Variants in HIGD1A observed in about 807,000 individuals in gnomAD.
The protein encoded by HIGD1A is HIG1 hypoxia inducible domain family member 1A.
In HIGD1A, 8 loss-of-function variants were observed where a neutral mutation model predicts 11.3. The observed-to-expected ratio is 0.71, with a 90% CI of 0.42 to 1.28. The LOEUF (loss-of-function observed/expected upper bound fraction) is 1.28. HIGD1A is among the 50% of genes most tolerant of loss of function. HIGD1A has a pLI of 0.01. For missense variants in HIGD1A, 107 were observed against 118.8 expected (o/e 0.90, Z 0.46); for synonymous variants, 32 against 38.4 (o/e 0.83, Z 0.62).
chr3:42,804,459 C>G lies in HIGD1A; in HGVS notation c.-46G>C. 1 of 477,418 alleles carries G rather than the reference C, an allele frequency of 2.1e-6. No individual in the cohort carries two copies. Among genetic ancestry groups the G allele is most frequent in the Non-Finnish European group, 3.7e-6 (1 of 269,650 alleles). The allele number at this position is 477,418 out of a possible 1,614,324, so 29.6% of individuals were successfully genotyped here. ...ACCTAGAGCGAGAAAACCTCTCACA[C>G]CCCAACCGGCTTCCGATCCCTGCAG... On this transcript the variant is annotated 5_prime_UTR_variant, in exon 1 of 4. Transcript: ENST00000321331.
rs1049867145 is a variant in HIGD1A, at chr3:42,785,117, A to C, written c.*154T>G. 6 of 569,812 alleles carry C rather than the reference A, an allele frequency of 1.1e-5. No homozygotes were observed. The highest frequency in any genetic ancestry group is 5.7e-5 in the African/African-American group (3 of 52,602). The allele number at this position is 569,812 out of a possible 1,614,324, so 35.3% of individuals were successfully genotyped here. A position where few individuals can be genotyped will look rare whatever the true frequency, so the allele number is the denominator to read the frequency against. Reference sequence around the variant, plus strand: ...TAGTAATTCGGTCACCAAGCAAATCAAGCCTGCAAGAAAGGAAGCCAATAT... The same window carrying C: ...TAGTAATTCGGTCACCAAGCAAATCCAGCCTGCAAGAAAGGAAGCCAATAT... On this transcript the variant is annotated 3_prime_UTR_variant, in exon 4 of 4. Transcript: ENST00000321331.
intron 2 of HIGD1A, among the ~76,000 whole-genome samples, chr3:42,789,976 C>T (rs1575359173): frequency 6.6e-6 from 1 of 152,040 alleles, no homozygotes; most frequent in Admixed American, 6.6e-5. Flanking sequence ...CCTGCCTCAG[C>T]CCCGCAAAGC....
intron 1 of HIGD1A, among the ~76,000 whole-genome samples, chr3:42,801,803 A>G (rs1700568687): frequency 6.6e-6 from 1 of 152,252 alleles, no homozygotes; most frequent in Non-Finnish European, 1.5e-5. Flanking sequence ...ATATAAAAGC[A>G]TGTTTTCCCC....
rs1408808892 is a variant in HIGD1A at position 42,785,316 on chromosome 3, C to G, written c.237G>C (p.Met79Ile). ...AGAATTCCCGATACATGGAATAGCC[C>G]ATACCTAAAGAAAAAGAATGCTAGT... ...GFVVGAMTVG[M>I]GYSMYREFWA... The change falls in exon 4 of 4, where the codon ATG (methionine) becomes ATC (isoleucine). Residue 79 changes from methionine (M) to isoleucine (I), a missense_variant. Met to Ile is a conservative substitution (Grantham distance 10, BLOSUM62 1). Transcript: ENST00000321331. 1.9e-6 allele frequency: 3 copies of G among 1,608,708 alleles called. No individual in the cohort carries two copies. The highest frequency in any genetic ancestry group is 1.1e-5 in the South Asian group (1 of 90,696).
At chr3:42,792,942 A>G (rs1338503642) in intron 2 of HIGD1A, among the ~76,000 whole-genome samples, 2 of 151,640 alleles carry the variant, frequency 1.3e-5, no homozygotes, top group Non-Finnish European at 2.9e-5. Context: ...ATATCGCGCC[A>G]CTGCACTCCA....
At chr3:42,795,893 G>A (rs1700491572) in intron 1 of HIGD1A, among the ~76,000 whole-genome samples, 1 of 152,126 alleles carries the variant, frequency 6.6e-6, no homozygotes, top group African/African-American at 2.4e-5. Flanking sequence ...ATTTTGAATT[G>A]CAATAAACTT....
chr3:42,791,428 CAA>C (rs1379251048), intron 2 of HIGD1A, among the ~76,000 whole-genome samples: 3 of 151,984 alleles, frequency 2.0e-5, no homozygotes, highest in African/African-American at 7.3e-5. Context: ...AAAGCAAAAA[CAA>C]AAAAGCTAAT....
intron 1 of HIGD1A, among the ~76,000 whole-genome samples, chr3:42,802,846 T>A (rs2125596553): frequency 6.6e-6 from 1 of 152,340 alleles, no homozygotes; most frequent in African/African-American, 2.4e-5. Flanking sequence ...TGCCAAAGCA[T>A]CAATCTTACG....
At chr3:42,801,925 G>C (rs1485886611) in intron 1 of HIGD1A, among the ~76,000 whole-genome samples, 1 of 152,218 alleles carries the variant, frequency 6.6e-6, no homozygotes, top group South Asian at 2.1e-4. Flanking sequence ...AGCTCCTCAG[G>C]AGGCTGAGGC....
Position 42,786,139 on chromosome 3 carries a change from C to A in HIGD1A, c.121G>T (p.Val41Phe). ...PVGIAGFAAI[V>F]AYGLYKLKSR... ...TTCAGTTTATATAATCCATATGCAA[C>A]AATTGCTGCAAAACCCGCTATTCCT... Residue 41 changes from valine to phenylalanine, a missense_variant, in exon 3 of 4, where the codon GTT (valine) becomes TTT (phenylalanine). By Grantham distance (50) the Val-to-Phe change is conservative. Coordinates refer to ENST00000321331, the MANE Select transcript of HIGD1A (RefSeq NM_014056.4). 6.2e-7 allele frequency: 1 copy of A among 1,614,060 alleles called. No individual in the cohort carries two copies. The highest frequency in any genetic ancestry group is 1.1e-5 in the South Asian group (1 of 91,082).
At position 42,799,297 on chromosome 3, in the gene HIGD1A, TAAAA is replaced by T. The variant is rs532630050; in HGVS notation, c.-22-5026_-22-5023del. The stretch of plus-strand genomic sequence containing the variant: ...AAGAATTATCAATAAAAAAATAAAT[TAAAA>T]AAAAAAAAAAAAAAAAAAGAATCTT... On this transcript the variant is annotated intron_variant, in intron 1 of 3. Coordinates refer to ENST00000321331, the MANE Select transcript of HIGD1A (RefSeq NM_014056.4). Among the ~76,000 whole-genome samples, 2 of 114,582 alleles carry T rather than the reference TAAAA, an allele frequency of 1.7e-5. 1 individual carries two copies. The highest frequency in any genetic ancestry group is 7.7e-5 in the African/African-American group (2 of 26,080). The allele number at this position is 114,582 out of a possible 152,430, so 75.2% of individuals were successfully genotyped here.
Position 42,785,987 on chromosome 3 carries a change from T to C in HIGD1A, c.232+41A>G, listed in dbSNP as rs760457556. 3 of 1,604,316 alleles carry C rather than the reference T, an allele frequency of 1.9e-6. No individual in the cohort carries two copies. In the East Asian group the frequency reaches 6.7e-5, roughly 36 times the overall value. On this transcript the variant is annotated intron_variant, in intron 3 of 3. Coordinates refer to ENST00000321331, the MANE Select transcript of HIGD1A (RefSeq NM_014056.4). Reference sequence around the variant, plus strand: ...CTATTTTGTTTGTAAAGAAATACCTTAATGAGAAACGAAAATTTGAAATTT... The same window carrying C: ...CTATTTTGTTTGTAAAGAAATACCTCAATGAGAAACGAAAATTTGAAATTT...
At chr3:42,788,370 T>C (rs1313464647) in intron 2 of HIGD1A, among the ~76,000 whole-genome samples, 1 of 152,202 alleles carries the variant, frequency 6.6e-6, no homozygotes, top group Non-Finnish European at 1.5e-5. Context: ...AAAACCTTTC[T>C]ATACCAATAA....
At chr3:42,790,567 G>GA (rs1248591856) in intron 2 of HIGD1A, among the ~76,000 whole-genome samples, 1 of 151,990 alleles carries the variant, frequency 6.6e-6, no homozygotes, top group Non-Finnish European at 1.5e-5. Context: ...GAACCAATAA[G>GA]AAAAAAGATT....
At chr3:42,785,680 T>C (rs773483318) in intron 3 of HIGD1A, among the ~76,000 whole-genome samples, 1 of 152,182 alleles carries the variant, frequency 6.6e-6, no homozygotes, top group Non-Finnish European at 1.5e-5. Flanking sequence ...ATGTAATACC[T>C]AAACTTTAAG....
intron 1 of HIGD1A, among the ~76,000 whole-genome samples, chr3:42,799,618 T>A (rs1343127570): frequency 6.6e-6 from 1 of 150,924 alleles, no homozygotes; most frequent in African/African-American, 2.4e-5. Context: ...ATGCCTGGTT[T>A]TTTTTTTTTG....
chr3:42,795,766 A>T (rs1176422636), intron 1 of HIGD1A, among the ~76,000 whole-genome samples: 1 of 152,182 alleles, frequency 6.6e-6, no homozygotes, highest in Admixed American at 6.6e-5. Context: ...CAGGGATCAA[A>T]GGCTCCTTTC....
At chr3:42,788,321 G>T (rs1445293477) in intron 2 of HIGD1A, among the ~76,000 whole-genome samples, 2 of 152,034 alleles carry the variant, frequency 1.3e-5, no homozygotes, top group African/African-American at 4.8e-5. Flanking sequence ...GATTTCTGAG[G>T]AGAATACAAA....
At chr3:42,787,962 C>T (rs1267600144) in intron 2 of HIGD1A, among the ~76,000 whole-genome samples, 1 of 151,994 alleles carries the variant, frequency 6.6e-6, no homozygotes, top group Non-Finnish European at 1.5e-5. Context: ...AGTCCTTCTT[C>T]CTGGATGACT....
Sources: allele counts gnomAD v4.1 joint callset (sites outside exome capture counted in the v4.1 genomes callset), GRCh38; gene constraint gnomAD v4.1.1; transcripts MANE v1.5; gene names NCBI Gene and HGNC (gene_info 2026-07-23, HGNC 2026-07-21).